Variants in DOCK8 observed in about 807,000 individuals in gnomAD.
DOCK8 encodes dedicator of cytokinesis protein 8.
DOCK8 carries 141 observed loss-of-function variants against 245.6 expected under a neutral mutation model. That is an observed-to-expected ratio of 0.57 (90% CI 0.50 to 0.66). The LOEUF is 0.66. DOCK8 is among the 30% of genes least tolerant of loss of function. DOCK8 has a pLI of 0.00. For synonymous variants in DOCK8, 1,168 were observed against 970.2 expected, an observed-to-expected ratio of 1.20 and a Z score of -3.79; for missense variants, 2,965 against 2,603.4, an observed-to-expected ratio of 1.14 and a Z score of -3.02.
chr9:246,071 A>T (rs2047498968), intron 1 of DOCK8, among the ~76,000 whole-genome samples: 1 of 152,038 alleles, frequency 6.6e-6, no homozygotes, highest in South Asian at 2.1e-4. Flanking sequence ...AATACAAAAA[A>T]TTGGCCAGGC....
At chr9:416,664 G>C (rs572928573) in intron 29 of DOCK8, among the ~76,000 whole-genome samples, 33 of 152,302 alleles carry the variant, frequency 2.2e-4, no homozygotes, top group Non-Finnish European at 1.0e-4. Context: ...TCTGAATTCA[G>C]ATTCCAGCCC....
rs1052535154 is a variant in DOCK8, at chr9:221,617, G to C, written c.53+6588G>C. ...ACTTGAAGTCAGAAGTTTGAGACCA[G>C]CCTGGCCAACATGGTGAAACCCCAT... On this transcript the variant is annotated intron_variant, in intron 1 of 47. Coordinates refer to ENST00000432829, the MANE Select transcript of DOCK8 (RefSeq NM_203447.4). 9.9e-5 allele frequency among the ~76,000 whole-genome samples: 15 copies of C among 150,762 alleles called. No homozygotes were observed. In the East Asian group the frequency reaches 2.9e-3, roughly 29 times the overall value.
chr9:340,767 C>T lies in DOCK8; in HGVS notation c.1679+446C>T, dbSNP rs191407396. On this transcript the variant is annotated intron_variant, in intron 14 of 47. Coordinates refer to ENST00000432829, the MANE Select transcript of DOCK8 (RefSeq NM_203447.4). ...AAATGAAATGTGATATTTATGTAAC[C>T]GTAGGTGATTGCCAAATCTCTTTCT... 2.1e-3 allele frequency: 372 copies of T among 178,498 alleles called. 1 individual carries two copies. Among genetic ancestry groups the T allele is most frequent in the Middle Eastern group, 8.0e-3 (3 of 376 alleles). 11.1% of individuals were successfully genotyped at this position (178,498 alleles called of 1,614,324 possible).
chr9:333,075 T>C (rs577781023), intron 10 of DOCK8, among the ~76,000 whole-genome samples: 2 of 152,300 alleles, frequency 1.3e-5, no homozygotes, highest in East Asian at 3.9e-4. Flanking sequence ...ATTCTGAGGC[T>C]CTGACTCAGC....
chr9:343,340 T>A (rs921788909), intron 14 of DOCK8, among the ~76,000 whole-genome samples: 3 of 151,914 alleles, frequency 2.0e-5, no homozygotes, highest in Non-Finnish European at 2.9e-5. Flanking sequence ...CAAAACATTT[T>A]AAAAATTGCC....
At chr9:340,407 G>T (rs1385519600) in intron 14 of DOCK8, 86 bp downstream of exon 14, 1 of 1,558,262 alleles carries the variant, frequency 6.4e-7, no homozygotes, top group Admixed American at 1.8e-5. Context: ...GATTGCTTGA[G>T]CTCAGGAGTT....
chr9:423,064 A>G (rs140895945), intron 33 of DOCK8, among the ~76,000 whole-genome samples: 2 of 151,690 alleles, frequency 1.3e-5, no homozygotes, highest in African/African-American at 4.8e-5. Context: ...AAGGAAATTT[A>G]CCAAAATATT....
chr9:223,107 C>G (rs932098887), intron 1 of DOCK8, among the ~76,000 whole-genome samples: 37 of 152,222 alleles, frequency 2.4e-4, no homozygotes, highest in African/African-American at 8.2e-4. Flanking sequence ...TAGTACCACT[C>G]TGCTCAGAAA....
rs535735040 is a variant in DOCK8 at position 441,440 on chromosome 9, A to G, written c.5355+23A>G. 90 of 1,614,050 alleles carry G rather than the reference A, an allele frequency of 5.6e-5. 1 individual carries two copies. The highest frequency in any genetic ancestry group is 5.1e-6 in the Non-Finnish European group (6 of 1,180,004). ...AAGGTAGCCGGGGAGCCTGGCTGGC[A>G]GGTCTTGTTACCTGGTGGCAGGCGA... On this transcript the variant is annotated intron_variant, in intron 41 of 47. Coordinates refer to ENST00000432829, the MANE Select transcript of DOCK8 (RefSeq NM_203447.4).
intron 26 of DOCK8, among the ~76,000 whole-genome samples, chr9:400,333 ACC>A (rs2054833186): frequency 1.2e-5 from 1 of 82,086 alleles, no homozygotes; most frequent in Non-Finnish European, 2.4e-5. Flanking sequence ...CACCACCACC[ACC>A]TCCTCCACCA....
At chr9:412,404 C>CAAAAA (rs59340573) in intron 28 of DOCK8, among the ~76,000 whole-genome samples, 3 of 100,794 alleles carry the variant, frequency 3.0e-5, no homozygotes, top group African/African-American at 1.0e-4. Flanking sequence ...GACCCTGTCT[C>CAAAAA]AAAAAAAAAA....
intron 32 of DOCK8, among the ~76,000 whole-genome samples, chr9:421,323 C>G (rs1458780092): frequency 6.6e-6 from 1 of 152,150 alleles, no homozygotes; most frequent in Non-Finnish European, 1.5e-5. Flanking sequence ...TTAATTAAAA[C>G]TCGTTGATGG....
At chr9:300,329 G>T (rs1268979299) in intron 4 of DOCK8, among the ~76,000 whole-genome samples, 6 of 151,978 alleles carry the variant, frequency 3.9e-5, no homozygotes, top group Non-Finnish European at 8.8e-5. Flanking sequence ...TATCTATCTG[G>T]CATTTGATCT....
chr9:246,938 A>G (rs2047519407), intron 1 of DOCK8, among the ~76,000 whole-genome samples: 2 of 152,124 alleles, frequency 1.3e-5, no homozygotes, highest in Non-Finnish European at 1.5e-5. Context: ...TTTAAATGAG[A>G]TCATCTGCAA....
At chr9:316,583 A>G (rs754642431) in intron 6 of DOCK8, among the ~76,000 whole-genome samples, 10 of 152,306 alleles carry the variant, frequency 6.6e-5, no homozygotes, top group Non-Finnish European at 1.3e-4. Flanking sequence ...GTATTATAGG[A>G]TCAATGGTTT....
chr9:305,410 G>GTTTT (rs80000119), intron 5 of DOCK8, among the ~76,000 whole-genome samples: 6,735 of 151,708 alleles, frequency 0.044, 240 homozygotes, highest in Admixed American at 0.11. Context: ...AGCCTCCCAG[G>GTTTT]TAGCTGGGAC....
At chr9:371,847 C>T (rs1164923142) in intron 17 of DOCK8, among the ~76,000 whole-genome samples, 7 of 152,154 alleles carry the variant, frequency 4.6e-5, no homozygotes, top group African/African-American at 1.4e-4. Flanking sequence ...CCATGCTTCA[C>T]GTATAGAACT....
In DOCK8 at chr9:304,653, G is replaced by T; in HGVS notation, c.477G>T (p.Pro159=). ...GAAAAGATTTTCACAAGACGCTTCC[G>T]AAACAGACGTTTGAGTCGGAAACCT... ...GSRKDFHKTL[P]KQTFESETLE... The change falls in exon 5 of 48, where the codon CCG becomes CCT. Residue 159 remains proline (P), a synonymous_variant. Coordinates refer to ENST00000432829, the MANE Select transcript of DOCK8 (RefSeq NM_203447.4). 6.2e-7 allele frequency: 1 copy of T among 1,614,136 alleles called. No homozygotes were observed. Among genetic ancestry groups the T allele is most frequent in the Non-Finnish European group, 8.5e-7 (1 of 1,180,028 alleles).
chr9:256,932 C>G (rs1435375982), intron 1 of DOCK8, among the ~76,000 whole-genome samples: 2 of 152,208 alleles, frequency 1.3e-5, no homozygotes, highest in African/African-American at 4.8e-5. Flanking sequence ...CATCTTTCTA[C>G]TGTTCTCAAC....
Sources: allele counts gnomAD v4.1 joint callset (sites outside exome capture counted in the v4.1 genomes callset), GRCh38; gene constraint gnomAD v4.1.1; transcripts MANE v1.5; gene names NCBI Gene and HGNC (gene_info 2026-07-23, HGNC 2026-07-21).